Variants in CERS2 observed in about 807,000 individuals in gnomAD.
CERS2 encodes LAG1 homolog, ceramide synthase 2.
A neutral mutation model predicts 56.6 loss-of-function variants in CERS2; 20 were observed. The observed-to-expected ratio is 0.35, with a 90% CI of 0.25 to 0.51. The LOEUF (loss-of-function observed/expected upper bound fraction) is 0.51. Among genes scored for constraint, CERS2 ranks in the 20% least tolerant of loss-of-function variants. The probability of loss-of-function intolerance (pLI) is 0.96; values close to 1 mark genes in which losing one functional copy is unlikely to be tolerated. For missense variants in CERS2, 361 were observed against 488.6 expected (o/e 0.74, Z 2.46); for synonymous variants, 187 against 175.4 (o/e 1.07, Z -0.52).
chr1:150,970,709 G>C (rs1437515956), intron 1 of CERS2, among the ~76,000 whole-genome samples: 2 of 152,108 alleles, frequency 1.3e-5, no homozygotes, highest in East Asian at 3.9e-4. Context: ...GTAGAAACAG[G>C]GTTTTGCCAT....
Position 150,966,816 on chromosome 1 carries a change from T to A in CERS2, c.788A>T (p.Asn263Ile), listed in dbSNP as rs1671033168. Reference protein sequence around the residue: ...NYAGWKNTCNNIFIVFAIVFI... With the variant: ...NYAGWKNTCNIIFIVFAIVFI... ...AACAATGGCGAAGACGATGAAGATGTTGTTGCAGGTGTTCTTCCATCCCGC... is the reference window on the plus strand; with the variant it reads ...AACAATGGCGAAGACGATGAAGATGATGTTGCAGGTGTTCTTCCATCCCGC... Residue 263 changes from asparagine (N) to isoleucine (I), a missense_variant, in exon 9 of 11, where the codon AAC becomes ATC. Asn to Ile is a moderately radical substitution (Grantham distance 149, BLOSUM62 -3). Transcript: ENST00000368954. 3 of 1,614,006 alleles carry A rather than the reference T, an allele frequency of 1.9e-6. No individual in the cohort carries two copies. The highest frequency in any genetic ancestry group is 1.7e-5 in the Admixed American group (1 of 60,008).
In CERS2 at chr1:150,968,392, T is replaced by C. The variant is rs982297389; in HGVS notation, c.291+3A>G. 2 of 1,611,076 alleles carry C rather than the reference T, an allele frequency of 1.2e-6. No homozygotes were observed. Among genetic ancestry groups the C allele is most frequent in the Non-Finnish European group, 1.7e-6 (2 of 1,177,196 alleles). On this transcript the variant is annotated splice_donor_region_variant and intron_variant, in intron 3 of 10. Coordinates refer to ENST00000368954, the MANE Select transcript of CERS2 (RefSeq NM_022075.5). ...CAGAGCCAGAGCAGCATGCGGCTCA[T>C]ACCTGCTTGGGCTGCTTGCCACTGG...
intron 3 of CERS2, 76 bp from the exon 4 acceptor site, chr1:150,968,277 AC>A (rs1671080873): frequency 6.7e-7 from 1 of 1,502,716 alleles, no homozygotes; most frequent in Non-Finnish European, 9.2e-7. Flanking sequence ...CCCAGTAACA[AC>A]CTCAGTCAGC....
rs750873215 is a variant in CERS2 at position 150,966,229 on chromosome 1, A to G, written c.1062T>C (p.Ala354=). ...GGCTCTTTGCTCCTCCCCCAGCTGC[A>G]GCCTCCTCCCCCTCTGAGCTCTCTG... ...EETESSEGEE[A]AAGGGAKSRP... Residue 354 remains alanine, a synonymous_variant, in exon 11 of 11, where the codon GCT becomes GCC. Transcript: ENST00000368954. 1.2e-6 allele frequency: 2 copies of G among 1,607,486 alleles called. No individual in the cohort carries two copies. The highest frequency in any genetic ancestry group is 2.7e-5 in the African/African-American group (2 of 74,304).
chr1:150,968,501 GT>G lies in CERS2; in HGVS notation c.184del (p.Thr62HisfsTer7). 6.2e-7 allele frequency: 1 copy of G among 1,613,482 alleles called. No homozygotes were observed. Among genetic ancestry groups the G allele is most frequent in the Non-Finnish European group, 8.5e-7 (1 of 1,179,370 alleles). ...VRYFFELYVA[T>X]PLAALLNIKE... ...TATGTTCAAGAGGGCAGCCAGTGGT[GT>G]AGCCACGTACCTGGGGAAGGGATAT... On this transcript the variant is annotated frameshift_variant, in exon 3 of 11. Transcript: ENST00000368954. LOFTEE classifies it high-confidence loss of function.
At position 150,968,172 on chromosome 1, in the gene CERS2, G is replaced by A. The variant is rs766817943; in HGVS notation, c.321C>T (p.Ser107=). The change falls in exon 4 of 11, where the codon AGC becomes AGT. Residue 107 remains serine (S), a synonymous_variant. Coordinates refer to ENST00000368954, the MANE Select transcript of CERS2 (RefSeq NM_022075.5). ...QVEVELLSRQ[S]GLSGRQVERW... is the part of the protein sequence containing the mutation. ...GCTCTACCTGGCGGCCAGAGAGCCC[G>A]CTCTGCCGGGACAAAAGCTCTACTT... 8.7e-6 allele frequency: 14 copies of A among 1,609,186 alleles called. No homozygotes were observed. The highest frequency in any genetic ancestry group is 4.0e-5 in the African/African-American group (3 of 74,916).
At position 150,966,524 on chromosome 1, in the gene CERS2, G is replaced by C; in HGVS notation, c.954C>G (p.Phe318Leu). Residue 318 changes from phenylalanine to leucine, a missense_variant, in exon 10 of 11, where the codon TTC becomes TTG. By Grantham distance (22) the Phe-to-Leu change is conservative. This residue lies in a region of CERS2 where 122 missense variants were observed against 151.9 expected (regional missense o/e 0.80). Coordinates refer to ENST00000368954, the MANE Select transcript of CERS2 (RefSeq NM_022075.5). ...MMGVLQLLHI[F>L]WAYLILRMAH... The stretch of plus-strand genomic sequence containing the variant: ...CCATGCGCAAAATGAGGTAGGCCCA[G>C]AAGATATGCAGCAGCTGTAGAACTC... 1 of 1,614,166 alleles carries C rather than the reference G, an allele frequency of 6.2e-7. No individual in the cohort carries two copies. Among genetic ancestry groups the C allele is most frequent in the Non-Finnish European group, 8.5e-7 (1 of 1,180,036 alleles).
chr1:150,968,609 C>T (rs1671092784), intron 2 of CERS2, 97 bp from the exon 3 acceptor site: 2 of 988,252 alleles, frequency 2.0e-6, no homozygotes, highest in African/African-American at 1.6e-5. Flanking sequence ...CCCCAGCTTC[C>T]TGGCAACCCC....
rs747681818 is a variant in CERS2 at position 150,967,795 on chromosome 1, C to G, written c.468+25G>C. 11 of 1,611,666 alleles carry G rather than the reference C, an allele frequency of 6.8e-6. No individual in the cohort carries two copies. In the African/African-American group the frequency reaches 1.3e-4, roughly 20 times the overall value. On this transcript the variant is annotated intron_variant, in intron 5 of 10. Transcript: ENST00000368954. ...CCTGACCTTGCCAGAGAACCTACTC[C>G]CACCTCCCAGTAATCCCCACTCACA...
chr1:150,965,966 G>A lies in CERS2; in HGVS notation c.*182C>T. The A allele has an allele frequency of 1.7e-6, 1 of 604,548 alleles. No individual in the cohort carries two copies. Among genetic ancestry groups the A allele is most frequent in the Non-Finnish European group, 2.8e-6 (1 of 358,488 alleles). The allele number at this position is 604,548 out of a possible 1,614,324, so 37.4% of individuals were successfully genotyped here. On this transcript the variant is annotated 3_prime_UTR_variant, in exon 11 of 11. Coordinates refer to ENST00000368954, the MANE Select transcript of CERS2 (RefSeq NM_022075.5). ...GAATATAACCAACGTCCCCCTACCTGGGGATAGGCTGGTTAGAATTTGGTT... is the reference window on the plus strand; with the variant it reads ...GAATATAACCAACGTCCCCCTACCTAGGGATAGGCTGGTTAGAATTTGGTT...
intron 1 of CERS2, 34 bp downstream of exon 1, chr1:150,974,585 G>C (rs1335765457): frequency 6.7e-6 from 1 of 149,138 alleles, no homozygotes; most frequent in Non-Finnish European, 1.5e-5. Flanking sequence ...ACCCCCGCGC[G>C]GGGCTCGGGC....
At chr1:150,973,396 G>T (rs1671231499) in intron 1 of CERS2, among the ~76,000 whole-genome samples, 1 of 152,236 alleles carries the variant, frequency 6.6e-6, no homozygotes, top group Admixed American at 6.5e-5. Context: ...GGTGTTGAAG[G>T]ACACAGTGAG....
chr1:150,965,245 C>T lies in CERS2; in HGVS notation c.*903G>A, dbSNP rs968343632. On this transcript the variant is annotated 3_prime_UTR_variant, in exon 11 of 11. Transcript: ENST00000368954. ...CCCTTCTCAATTCCTAATAGTCTGA[C>T]ACTTATTGCCATGTTTTATTTAATA... 4.6e-5 allele frequency: 7 copies of T among 152,482 alleles called. No individual in the cohort carries two copies. The highest frequency in any genetic ancestry group is 4.1e-4 in the South Asian group (2 of 4,830). The allele number at this position is 152,482 out of a possible 1,614,324, so 9.4% of individuals were successfully genotyped here.
chr1:150,966,725 G>T, intron 9 of CERS2, 31 bp downstream of exon 9: 4 of 1,600,184 alleles, frequency 2.5e-6, no homozygotes, highest in South Asian at 1.1e-5. Flanking sequence ...GATTTCTTCA[G>T]AACAGGAGTG....
At chr1:150,972,074 G>C in intron 1 of CERS2, 7 of 372,102 alleles carry the variant, frequency 1.9e-5, no homozygotes, top group South Asian at 1.4e-4. Context: ...AACAGGGGGT[G>C]GGGGGCAGGC....
chr1:150,968,615 A>G, intron 2 of CERS2, 103 bp from the exon 3 acceptor site: 1 of 965,988 alleles, frequency 1.0e-6, no homozygotes, highest in Non-Finnish European at 1.6e-6. Context: ...CTTCCTGGCA[A>G]CCCCCTTTTC....
rs367959693 is a variant in CERS2 at position 150,972,324 on chromosome 1, G to A, written c.-2+2295C>T. Among the ~76,000 whole-genome samples the A allele has an allele frequency of 5.3e-4, 81 of 152,304 alleles. 1 individual carries two copies. The highest frequency in any genetic ancestry group is 1.9e-3 in the African/African-American group (79 of 41,548). Reference sequence around the variant, plus strand: ...CTACCCCCATCTCCCCAGCAGGGAGGCCCCAGATTCAGCAGGGTCAGGACC... The same window carrying A: ...CTACCCCCATCTCCCCAGCAGGGAGACCCCAGATTCAGCAGGGTCAGGACC... On this transcript the variant is annotated intron_variant, in intron 1 of 10. Coordinates refer to ENST00000368954, the MANE Select transcript of CERS2 (RefSeq NM_022075.5).
chr1:150,967,926 C>T (rs1671069988), intron 4 of CERS2, 49 bp from the exon 5 acceptor site: 2 of 1,496,024 alleles, frequency 1.3e-6, no homozygotes, highest in Admixed American at 1.7e-5. Context: ...CACAGTCCCC[C>T]AGCAGCCCCC....
rs1328221930 is a variant in CERS2 at position 150,968,517 on chromosome 1, G to A, written c.174-5C>T. 2.5e-6 allele frequency: 4 copies of A among 1,605,744 alleles called. 1 individual carries two copies. Among genetic ancestry groups the A allele is most frequent in the African/African-American group, 2.7e-5 (2 of 74,714 alleles). ...GCCAGTGGTGTAGCCACGTACCTGG[G>A]GAAGGGATATGAGTAAGGTATCTAG... On this transcript the variant is annotated splice_polypyrimidine_tract_variant and splice_region_variant and intron_variant, in intron 2 of 10. Coordinates refer to ENST00000368954, the MANE Select transcript of CERS2 (RefSeq NM_022075.5).
Sources: allele counts gnomAD v4.1 joint callset (sites outside exome capture counted in the v4.1 genomes callset), GRCh38; gene constraint gnomAD v4.1.1; regional missense constraint gnomAD v4.1.1; transcripts MANE v1.5; gene names NCBI Gene and HGNC (gene_info 2026-07-23, HGNC 2026-07-21).